Variants in TRIP12 observed in about 807,000 individuals in gnomAD.
TRIP12 encodes the protein E3 ubiquitin-protein ligase TRIP12.
Under a neutral mutation model 244.2 loss-of-function variants are expected in TRIP12, and 25 were observed. That is an observed-to-expected ratio of 0.10 (90% CI 0.07 to 0.14). The LOEUF is 0.14. Ranked by LOEUF, TRIP12 falls within the 10% of genes least tolerant of loss-of-function variation. TRIP12 has a pLI of 1.00. For synonymous variants in TRIP12, 905 were observed against 873.1 expected (o/e 1.04, Z -0.64); for missense variants, 1,677 against 2,486.4 (o/e 0.67, Z 6.92).
chr2:229,922,510 C>G (rs754525648), upstream of TRIP12: 2 of 1,614,006 alleles, frequency 1.2e-6, no homozygotes, highest in South Asian at 1.1e-5. Flanking sequence ...GGTGGCGTCC[C>G]AAGATGGCGT....
intron 15 of TRIP12, among the ~76,000 whole-genome samples, chr2:229,810,114 C>G (rs77022858): frequency 1.3e-5 from 2 of 152,182 alleles, no homozygotes; most frequent in African/African-American, 4.8e-5. Context: ...AATCCTAGTA[C>G]TATGGGAGGC....
chr2:229,770,791 G>C (rs1455453023), intron 39 of TRIP12, among the ~76,000 whole-genome samples: 1 of 152,176 alleles, frequency 6.6e-6, no homozygotes, highest in Non-Finnish European at 1.5e-5. Context: ...TAGTGAATAT[G>C]TCTCACGAGA....
Position 229,839,646 on chromosome 2 carries a change from T to TC in TRIP12, c.1133+1175dup, listed in dbSNP as rs770040878. On this transcript the variant is annotated intron_variant, in intron 5 of 41. Transcript: ENST00000675903. ...GTGAGCCGAGATTGTGCCATTGCAC[T>TC]CCAGCCTGGGCGACAGAGTGAGACT... Among the ~76,000 whole-genome samples the TC allele has an allele frequency of 3.8e-4, 56 of 148,916 alleles. 1 individual carries two copies. The highest frequency in any genetic ancestry group is 1.2e-4 in the Non-Finnish European group (8 of 67,502).
rs765360780 is a variant in TRIP12 at position 229,767,543 on chromosome 2, T to TC, written c.*10dup. On this transcript the variant is annotated 3_prime_UTR_variant, in exon 42 of 42. Transcript: ENST00000675903. ...TGCTGTAACAGGCAGACACTGCATT[T>TC]CTTGCTATGATCAGGAAAGATGGAA... is the stretch of plus-strand genomic sequence containing the variant. The TC allele has an allele frequency of 1.3e-5, 21 of 1,592,902 alleles. No individual in the cohort carries two copies. Among genetic ancestry groups the TC allele is most frequent in the Non-Finnish European group, 1.6e-5 (19 of 1,169,174 alleles).
In TRIP12 at chr2:229,890,918, C is replaced by T. The variant is rs530358914; in HGVS notation, c.-49-10790G>A. The stretch of plus-strand genomic sequence containing the variant: ...AAAATTCAGAGCTGTATTTCCCAAA[C>T]GTAAATTTCTGTAATACAGATTCCT... On this transcript the variant is annotated intron_variant, in intron 1 of 41. Transcript: ENST00000675903. 4.1e-4 allele frequency among the ~76,000 whole-genome samples: 62 copies of T among 152,238 alleles called. 1 individual carries two copies. The highest frequency in any genetic ancestry group is 5.7e-4 in the Non-Finnish European group (39 of 68,024).
chr2:229,796,770 C>T lies in TRIP12; in HGVS notation c.3637G>A (p.Ala1213Thr). ...CTACGGATTTCTACAAGGCACTCAG[C>T]TCCACCATCCACCTGAAAGAGTTAG... is the stretch of plus-strand genomic sequence containing the variant. ...EQLNLQVDGG[A>T]ECLVEIRSIV... Residue 1213 changes from alanine to threonine, a missense_variant, in exon 25 of 42, where the codon GCT (alanine) becomes ACT (threonine). Around this residue, in one of 11 missense-constraint regions of TRIP12, gnomAD observed 572 missense variants for 867.8 expected, o/e 0.66. Coordinates refer to ENST00000675903, the MANE Select transcript of TRIP12 (RefSeq NM_001348323.3). The T allele has an allele frequency of 6.3e-7, 1 of 1,580,158 alleles. No individual in the cohort carries two copies. Among genetic ancestry groups the T allele is most frequent in the Non-Finnish European group, 8.6e-7 (1 of 1,167,804 alleles).
intron 22 of TRIP12, 79 bp downstream of exon 22, chr2:229,799,204 G>A: frequency 1.3e-6 from 2 of 1,538,000 alleles, no homozygotes; most frequent in Admixed American, 1.7e-5. Context: ...AAGAGCTACT[G>A]GCAGTTTTAA....
intron 7 of TRIP12, among the ~76,000 whole-genome samples, chr2:229,829,911 T>C (rs562415124): frequency 6.6e-6 from 1 of 152,314 alleles, no homozygotes; most frequent in East Asian, 1.9e-4. Context: ...ATCGTGCCAT[T>C]GCACTCCAGC....
chr2:229,829,464 G>T (rs1443497816), intron 7 of TRIP12, among the ~76,000 whole-genome samples, 176 bp from the exon 8 acceptor site: 1 of 152,188 alleles, frequency 6.6e-6, no homozygotes, highest in Non-Finnish European at 1.5e-5. Flanking sequence ...TATTAAATCA[G>T]TGCCAGCAGG....
intron 6 of TRIP12, among the ~76,000 whole-genome samples, chr2:229,834,616 C>T (rs764981348): frequency 2.0e-5 from 3 of 152,044 alleles, no homozygotes; most frequent in Non-Finnish European, 2.9e-5. Flanking sequence ...AAAAATTAGC[C>T]GGCTGTGGTG....
At chr2:229,855,092 C>T (rs2059363556) in intron 4 of TRIP12, among the ~76,000 whole-genome samples, 1 of 152,106 alleles carries the variant, frequency 6.6e-6, no homozygotes, top group South Asian at 2.1e-4. Flanking sequence ...GGTGAAACCC[C>T]ATCTCTATAC....
intron 1 of TRIP12, among the ~76,000 whole-genome samples, chr2:229,920,260 G>A (rs1416256952): frequency 6.6e-6 from 1 of 152,134 alleles, no homozygotes; most frequent in Non-Finnish European, 1.5e-5. Context: ...TTTAAAAAAT[G>A]AAATGCCAAA....
At chr2:229,795,436 T>C (rs2042574195) in intron 25 of TRIP12, 106 bp from the exon 26 acceptor site, 1 of 1,291,458 alleles carries the variant, frequency 7.7e-7, no homozygotes, top group Non-Finnish European at 1.0e-6. Flanking sequence ...ATAATTTGTC[T>C]ATTCATCTTT....
At chr2:229,857,787 G>A (rs2059846345) in intron 4 of TRIP12, among the ~76,000 whole-genome samples, 1 of 152,174 alleles carries the variant, frequency 6.6e-6, no homozygotes, top group Non-Finnish European at 1.5e-5. Context: ...TGCACATAAC[G>A]CTATGTTTCT....
intron 18 of TRIP12, among the ~76,000 whole-genome samples, chr2:229,805,246 C>CAACAACAAA (rs770905482): frequency 2.6e-5 from 4 of 151,900 alleles, no homozygotes; most frequent in Admixed American, 1.3e-4. Context: ...ACAACAACAA[C>CAACAACAAA]AAAAATATTT....
chr2:229,842,199 T>C (rs2056585448), intron 4 of TRIP12, among the ~76,000 whole-genome samples: 1 of 152,210 alleles, frequency 6.6e-6, no homozygotes, highest in Non-Finnish European at 1.5e-5. Context: ...GAAACTTTAA[T>C]TGGGAAAAGA....
chr2:229,821,792 A>C (rs2050116813), intron 8 of TRIP12, among the ~76,000 whole-genome samples: 1 of 152,128 alleles, frequency 6.6e-6, no homozygotes, highest in African/African-American at 2.4e-5. Flanking sequence ...ACAAGAAGCT[A>C]ATGTGTTGAA....
At chr2:229,844,775 T>C (rs1341976879) in intron 4 of TRIP12, among the ~76,000 whole-genome samples, 1 of 152,282 alleles carries the variant, frequency 6.6e-6, no homozygotes, top group African/African-American at 2.4e-5. Context: ...ATAATTACTG[T>C]TATCTTCCAA....
At position 229,810,981 on chromosome 2, in the gene TRIP12, G is replaced by A; in HGVS notation, c.2120C>T (p.Thr707Ile). The A allele has an allele frequency of 1.9e-6, 3 of 1,614,112 alleles. No homozygotes were observed. The highest frequency in any genetic ancestry group is 2.5e-6 in the Non-Finnish European group (3 of 1,179,992). Residue 707 changes from threonine to isoleucine, a missense_variant, in exon 15 of 42, where the codon ACT becomes ATT. Thr to Ile is a moderately conservative substitution (Grantham distance 89). This residue lies in a region of TRIP12 where 572 missense variants were observed against 867.8 expected (regional missense o/e 0.66). Transcript: ENST00000675903. ...CATCCCAGAACTTAAAATGGGTGGA[G>A]TCACTACCAACAGCTGTTGAACATT... ...LTNVQQLLVV[T>I]PPILSSGMFI...
Sources: allele counts gnomAD v4.1 joint callset (sites outside exome capture counted in the v4.1 genomes callset), GRCh38; gene constraint gnomAD v4.1.1; regional missense constraint gnomAD v4.1.1; transcripts MANE v1.5; gene names NCBI Gene and HGNC (gene_info 2026-07-23, HGNC 2026-07-21).